Variants in SLC16A2 observed in about 807,000 individuals in gnomAD.
SLC16A2 encodes monocarboxylate transporter 8.
In SLC16A2, 3 loss-of-function variants were observed where a neutral mutation model predicts 27.2. The ratio of observed to expected loss-of-function variants is 0.11; its 90% CI spans 0.05 to 0.28. The LOEUF is 0.28. SLC16A2 is among the 10% of genes least tolerant of loss of function. The pLI, the probability that SLC16A2 is intolerant of heterozygous loss-of-function variation, is 1.00. For synonymous variants in SLC16A2, 202 were observed against 187.8 expected, an observed-to-expected ratio of 1.08 and a Z score of -0.62; for missense variants, 295 against 458.5, an observed-to-expected ratio of 0.64 and a Z score of 3.26.
intron 1 of SLC16A2, among the ~76,000 whole-genome samples, chrX:74,498,687 T>C (rs1207419457): frequency 8.9e-6 from 1 of 111,917 alleles, no homozygotes; most frequent in African/African-American, 3.2e-5. Context: ...ATTGGTTGAG[T>C]ACACTTTCAA....
At chrX:74,435,056 T>A (rs1247502613) in intron 1 of SLC16A2, among the ~76,000 whole-genome samples, 1 of 109,176 alleles carries the variant, frequency 9.2e-6, no homozygotes, top group East Asian at 2.9e-4. Context: ...GGTCTTGAAC[T>A]CCTGACCTTG....
intron 2 of SLC16A2, among the ~76,000 whole-genome samples, chrX:74,524,036 T>A (rs1013257407): frequency 2.7e-5 from 3 of 111,882 alleles, no homozygotes; most frequent in Non-Finnish European, 3.8e-5. Context: ...TTACATGGGC[T>A]AGTTCTGGCT....
intron 1 of SLC16A2, among the ~76,000 whole-genome samples, chrX:74,489,065 G>A (rs1350570330): frequency 9.0e-6 from 1 of 111,544 alleles, no homozygotes; most frequent in Non-Finnish European, 1.9e-5. Context: ...CTGATTGATT[G>A]ATTTAATTGT....
intron 1 of SLC16A2, among the ~76,000 whole-genome samples, chrX:74,496,392 C>T (rs1432186822): frequency 8.9e-6 from 1 of 111,765 alleles, no homozygotes; most frequent in Non-Finnish European, 1.9e-5. Flanking sequence ...AGTCTCCCAG[C>T]AGCTTCATGT....
chrX:74,463,085 G>A (rs766874824), intron 1 of SLC16A2, among the ~76,000 whole-genome samples: 1 of 111,525 alleles, frequency 9.0e-6, no homozygotes, highest in Admixed American at 9.5e-5. Context: ...CAACTCTAGA[G>A]ATTCTTCAGA....
chrX:74,527,690 G>T (rs937971459), intron 4 of SLC16A2, among the ~76,000 whole-genome samples: 1 of 112,459 alleles, frequency 8.9e-6, no homozygotes, highest in African/African-American at 3.2e-5. Context: ...TGTTTCTCAC[G>T]TCCAAGAGAG....
At chrX:74,531,279 C>A (rs181749865) in intron 5 of SLC16A2, 54 bp from the exon 6 acceptor site, 41 of 1,069,126 alleles carry the variant, frequency 3.8e-5, no homozygotes, top group East Asian at 9.0e-5. Context: ...GCTGAGAGTA[C>A]CTTTGGACAG....
intron 1 of SLC16A2, among the ~76,000 whole-genome samples, chrX:74,499,982 T>C (rs906215675): frequency 2.7e-5 from 3 of 110,679 alleles, no homozygotes; most frequent in African/African-American, 6.6e-5. Flanking sequence ...ATTCAGTAGG[T>C]TTGAGGGGAA....
intron 1 of SLC16A2, among the ~76,000 whole-genome samples, chrX:74,512,003 C>A (rs1038797447): frequency 8.9e-6 from 1 of 111,929 alleles, no homozygotes; most frequent in African/African-American, 3.3e-5. Flanking sequence ...AGCTCCCCAG[C>A]TGACCCCTGA....
chrX:74,474,867 T>C (rs1929434155), intron 1 of SLC16A2, among the ~76,000 whole-genome samples: 1 of 110,987 alleles, frequency 9.0e-6, no homozygotes, highest in Non-Finnish European at 1.9e-5. Flanking sequence ...ATTTTCTTAA[T>C]CCAGTCTATC....
At chrX:74,466,691 A>G (rs1929257885) in intron 1 of SLC16A2, among the ~76,000 whole-genome samples, 2 of 111,617 alleles carry the variant, frequency 1.8e-5, no homozygotes, top group Non-Finnish European at 3.8e-5. Context: ...AAGGAGGCAA[A>G]AGATTCTGTG....
chrX:74,427,805 GCGCGCGCA>G (rs1928432886), intron 1 of SLC16A2, among the ~76,000 whole-genome samples: 1 of 70,831 alleles, frequency 1.4e-5, no homozygotes, highest in African/African-American at 5.9e-5. Context: ...ACGCGTGCAC[GCGCGCGCA>G]CACACACACA....
At chrX:74,517,297 GATTA>G (rs939764752) in intron 1 of SLC16A2, among the ~76,000 whole-genome samples, 7 of 111,693 alleles carry the variant, frequency 6.3e-5, no homozygotes, top group Non-Finnish European at 1.3e-4. Flanking sequence ...AAATGAAATA[GATTA>G]ATTTTTAAAA....
chrX:74,512,625 C>T (rs1038301648), intron 1 of SLC16A2, among the ~76,000 whole-genome samples: 8 of 112,384 alleles, frequency 7.1e-5, no homozygotes, highest in African/African-American at 2.3e-4. Context: ...CTCTCTCTTT[C>T]AACTCAGAGA....
intron 1 of SLC16A2, among the ~76,000 whole-genome samples, chrX:74,432,367 CAG>C (rs1602104505): frequency 9.0e-6 from 1 of 111,713 alleles, no homozygotes; most frequent in Non-Finnish European, 1.9e-5. Context: ...CTCCAGAAAA[CAG>C]AGGCCACAGG....
At chrX:74,487,283 A>T (rs1473693813) in intron 1 of SLC16A2, among the ~76,000 whole-genome samples, 1 of 110,824 alleles carries the variant, frequency 9.0e-6, no homozygotes, top group Non-Finnish European at 1.9e-5. Context: ...ATTTAACATG[A>T]CCTGGGTAAT....
At chrX:74,506,408 T>G (rs1005374265) in intron 1 of SLC16A2, among the ~76,000 whole-genome samples, 2 of 111,461 alleles carry the variant, frequency 1.8e-5, no homozygotes, top group Non-Finnish European at 3.8e-5. Context: ...CCTAGTGATA[T>G]GGGGCAGGGA....
At chrX:74,489,970 TACACAC>T (rs55975734) in intron 1 of SLC16A2, among the ~76,000 whole-genome samples, 1,371 of 87,147 alleles carry the variant, frequency 0.016, 13 homozygotes, top group Middle Eastern at 0.072. Flanking sequence ...GTCACACACA[TACACAC>T]ACACACACAC....
chrX:74,471,825 C>A (rs1470884159), intron 1 of SLC16A2, among the ~76,000 whole-genome samples: 1 of 111,785 alleles, frequency 8.9e-6, no homozygotes, highest in Admixed American at 9.6e-5. Flanking sequence ...CAGTCCTTGG[C>A]AACCACCATT....
Sources: gnomAD v4.1 joint callset for allele counts (sites outside exome capture counted in the v4.1 genomes callset) on GRCh38, gnomAD v4.1.1 for gene constraint, MANE v1.5 for transcripts, NCBI Gene and HGNC (gene_info 2026-07-23, HGNC 2026-07-21) for gene names.